The following BMAL2 variants were observed in gnomAD, a reference collection of about 807,000 sequenced individuals.
The protein encoded by BMAL2 is basic helix-loop-helix ARNT-like protein 2.
At chr12:27,369,609 A>G in the BMAL2 span, among the ~76,000 whole-genome samples, 1 of 152,226 alleles carries the variant, frequency 6.6e-6, no homozygotes, top group African/African-American at 2.4e-5. Context: ...TCTTGAACTG[A>G]AAGTGACTGT....
chr12:27,394,456 C>T, the BMAL2 span: 1 of 152,114 alleles, frequency 6.6e-6, no homozygotes. Flanking sequence ...GCATTTCTGT[C>T]TGTTGTTTCT....
the BMAL2 span, among the ~76,000 whole-genome samples, chr12:27,343,272 C>CT: frequency 2.0e-5 from 3 of 152,134 alleles, no homozygotes; most frequent in Non-Finnish European, 4.4e-5. Context: ...GTCCTGCTTC[C>CT]TTTTTTAAAA....
At chr12:27,368,406 C>T in the BMAL2 span, 1 of 1,613,920 alleles carries the variant, frequency 6.2e-7, no homozygotes, top group African/African-American at 1.3e-5. Context: ...GATTCAGACC[C>T]ATCCCAGTAA....
the BMAL2 span, among the ~76,000 whole-genome samples, chr12:27,337,765 C>T: frequency 6.6e-6 from 1 of 152,176 alleles, no homozygotes; most frequent in South Asian, 2.1e-4. Context: ...ATTTCCTTAT[C>T]TGTAGAATAG....
At chr12:27,350,639 G>A in the BMAL2 span, among the ~76,000 whole-genome samples, 1 of 152,172 alleles carries the variant, frequency 6.6e-6, no homozygotes, top group Admixed American at 6.6e-5. Context: ...TCAAAGAAAT[G>A]CCCAAGGTTG....
the BMAL2 span, among the ~76,000 whole-genome samples, chr12:27,351,497 C>G: frequency 6.6e-6 from 1 of 152,118 alleles, no homozygotes; most frequent in African/African-American, 2.4e-5. Context: ...ATGCGCTTTT[C>G]AAATATAAAC....
At chr12:27,421,697 A>C in the BMAL2 span, 1 of 152,222 alleles carries the variant, frequency 6.6e-6, no homozygotes, top group Non-Finnish European at 1.5e-5. Flanking sequence ...TGACATTGGA[A>C]ACATACTTAG....
the BMAL2 span, among the ~76,000 whole-genome samples, chr12:27,408,327 G>T: frequency 2.0e-5 from 3 of 152,068 alleles, no homozygotes; most frequent in Non-Finnish European, 1.5e-5. Flanking sequence ...TGATGAACAT[G>T]GATACAAAAA....
chr12:27,385,352 A>AG, the BMAL2 span: 11 of 561,324 alleles, frequency 2.0e-5, no homozygotes, highest in Admixed American at 1.6e-4. Context: ...TGAAAAAAAA[A>AG]ATGATTACAG....
chr12:27,396,480 C>A, the BMAL2 span, among the ~76,000 whole-genome samples: 1 of 152,190 alleles, frequency 6.6e-6, no homozygotes, highest in Non-Finnish European at 1.5e-5. Flanking sequence ...ACAGAATCAG[C>A]AATCTGGCTT....
chr12:27,370,764 C>A, the BMAL2 span, among the ~76,000 whole-genome samples: 1 of 152,142 alleles, frequency 6.6e-6, no homozygotes, highest in African/African-American at 2.4e-5. Context: ...CGCCGACACA[C>A]CCGGCTAATT....
chr12:27,401,464 C>T, the BMAL2 span: 1 of 1,542,354 alleles, frequency 6.5e-7, no homozygotes, highest in Non-Finnish European at 8.9e-7. Context: ...AATTAATCTT[C>T]ACAACATTGA....
chr12:27,391,697 T>C, the BMAL2 span, among the ~76,000 whole-genome samples: 5 of 152,332 alleles, frequency 3.3e-5, no homozygotes, highest in South Asian at 8.3e-4. Context: ...TATTTTAGAA[T>C]CAAGTGACTT....
At chr12:27,401,204 T>C in the BMAL2 span, 1 of 1,379,608 alleles carries the variant, frequency 7.2e-7, no homozygotes, top group Non-Finnish European at 1.0e-6. Flanking sequence ...TACAGTCTTC[T>C]GGGAGGGAGT....
At chr12:27,365,943 A>T in the BMAL2 span, among the ~76,000 whole-genome samples, 1 of 151,502 alleles carries the variant, frequency 6.6e-6, no homozygotes, top group Non-Finnish European at 1.5e-5. Context: ...ATTATATTTC[A>T]ATTTTTCTTT....
the BMAL2 span, among the ~76,000 whole-genome samples, chr12:27,383,003 T>G: frequency 6.6e-6 from 1 of 152,248 alleles, no homozygotes; most frequent in Non-Finnish European, 1.5e-5. Flanking sequence ...AGTTTGCTGA[T>G]GACATTGGTC....
At chr12:27,403,292 C>T in the BMAL2 span, 2 of 624,100 alleles carry the variant, frequency 3.2e-6, no homozygotes, top group South Asian at 3.8e-5. Flanking sequence ...TCATGAATTA[C>T]ATATGTAATG....
the BMAL2 span, chr12:27,385,395 C>A: frequency 1.4e-6 from 1 of 737,234 alleles, no homozygotes; most frequent in South Asian, 1.8e-5. Flanking sequence ...AGAGCAAATA[C>A]CAGCAGCAGC....
chr12:27,342,157 C>T, the BMAL2 span, among the ~76,000 whole-genome samples: 25 of 152,114 alleles, frequency 1.6e-4, no homozygotes, highest in Non-Finnish European at 2.6e-4. Flanking sequence ...AGGCTGGTCT[C>T]GAACTCCAAG....
Sources: allele counts gnomAD v4.1 joint callset (sites outside exome capture counted in the v4.1 genomes callset), GRCh38; gene constraint gnomAD v4.1.1; transcripts MANE v1.5; gene names NCBI Gene and HGNC (gene_info 2026-07-23, HGNC 2026-07-21).